Variants in RBFOX1 observed in about 807,000 individuals in gnomAD.
RBFOX1 encodes RNA binding protein fox-1 homolog 1.
RBFOX1 carries 8 observed loss-of-function variants against 57.7 expected under a neutral mutation model. The observed-to-expected ratio is 0.14, with a 90% CI of 0.08 to 0.25. The LOEUF is 0.25. Among genes scored for constraint, RBFOX1 ranks in the 10% least tolerant of loss-of-function variants. The probability of loss-of-function intolerance (pLI) is 1.00; values close to 1 mark genes in which losing one functional copy is unlikely to be tolerated. For synonymous variants in RBFOX1, 326 were observed against 222.4 expected (o/e 1.47, Z -4.15); for missense variants, 611 against 548.5 (o/e 1.11, Z -1.14).
At chr16:6,662,983 G>A (rs1013518513) in intron 3 of RBFOX1, among the ~76,000 whole-genome samples, 1 of 152,166 alleles carries the variant, frequency 6.6e-6, no homozygotes, top group Admixed American at 6.5e-5. Flanking sequence ...TGAAGTGTAG[G>A]AAACACTGTT....
At chr16:6,991,667 G>A (rs966263107) in intron 3 of RBFOX1, among the ~76,000 whole-genome samples, 3 of 152,074 alleles carry the variant, frequency 2.0e-5, no homozygotes, top group African/African-American at 7.2e-5. Context: ...TGTCCAAGTA[G>A]CTGGGACCAC....
chr16:6,780,362 C>T lies in RBFOX1; in HGVS notation c.-16+125712C>T, dbSNP rs1437828736. Reference sequence around the variant, plus strand: ...ACATATTTATATACATATTTATATACATATTTATAGATATATTTATACATA... The same window carrying T: ...ACATATTTATATACATATTTATATATATATTTATAGATATATTTATACATA... On this transcript the variant is annotated intron_variant, in intron 3 of 15. Transcript: ENST00000550418. Among the ~76,000 whole-genome samples, 167 of 78,106 alleles carry T rather than the reference C, an allele frequency of 2.1e-3. 5 individuals carry two copies. The highest frequency in any genetic ancestry group is 0.021 in the South Asian group (40 of 1,874). 51.2% of individuals were successfully genotyped at this position (78,106 alleles called of 152,430 possible).
intron 3 of RBFOX1, among the ~76,000 whole-genome samples, chr16:6,694,236 G>C (rs992885885): frequency 6.6e-6 from 1 of 152,108 alleles, no homozygotes; most frequent in African/African-American, 2.4e-5. Flanking sequence ...CCCATTGTGC[G>C]ATTCTCCAAT....
intron 3 of RBFOX1, among the ~76,000 whole-genome samples, chr16:6,675,737 A>G (rs2057523946): frequency 6.6e-6 from 1 of 152,222 alleles, no homozygotes; most frequent in Non-Finnish European, 1.5e-5. Flanking sequence ...CTTTCCCTTT[A>G]TGAAACCATC....
rs965039411 is a variant in RBFOX1, at chr16:6,177,198, T to C, written c.-126-139797T>C. 7.9e-5 allele frequency among the ~76,000 whole-genome samples: 12 copies of C among 151,888 alleles called. 1 individual carries two copies. Among genetic ancestry groups the C allele is most frequent in the Non-Finnish European group, 1.6e-4 (11 of 67,954 alleles). On this transcript the variant is annotated intron_variant, in intron 1 of 15. Transcript: ENST00000550418. The stretch of plus-strand genomic sequence containing the variant: ...TCATTTCTTGTTTGTTTTTTTTTTT[T>C]TTTTCCTTTCTAGAAGCAGCTGTGT...
At chr16:6,911,677 C>G (rs2071641089) in intron 3 of RBFOX1, among the ~76,000 whole-genome samples, 1 of 152,170 alleles carries the variant, frequency 6.6e-6, no homozygotes, top group Non-Finnish European at 1.5e-5. Context: ...AAGTTCAATC[C>G]ATAGCAGACA....
intron 4 of RBFOX1, among the ~76,000 whole-genome samples, chr16:7,118,228 T>G (rs1253677198): frequency 6.6e-6 from 1 of 152,286 alleles, no homozygotes; most frequent in Admixed American, 6.5e-5. Context: ...AGTCCCCATT[T>G]CACCACATCC....
At chr16:7,078,574 C>T (rs2058661101) in intron 4 of RBFOX1, among the ~76,000 whole-genome samples, 1 of 152,090 alleles carries the variant, frequency 6.6e-6, no homozygotes, top group Non-Finnish European at 1.5e-5. Flanking sequence ...TCTCGAAACC[C>T]TGGCCTCAAG....
In RBFOX1 at chr16:6,781,239, T is replaced by C. The variant is rs148597042; in HGVS notation, c.-16+126589T>C. ...GATATGATATGTCACATTTATTGATTTGTCTTTGTTGAACCATCCTTTTAT... is the reference window on the plus strand; with the variant it reads ...GATATGATATGTCACATTTATTGATCTGTCTTTGTTGAACCATCCTTTTAT... On this transcript the variant is annotated intron_variant, in intron 3 of 15. Coordinates refer to ENST00000550418, the MANE Select transcript of RBFOX1 (RefSeq NM_018723.4). 5.3e-5 allele frequency among the ~76,000 whole-genome samples: 8 copies of C among 152,248 alleles called. No homozygotes were observed. In the East Asian group the frequency reaches 9.6e-4, roughly 18 times the overall value.
intron 1 of RBFOX1, among the ~76,000 whole-genome samples, chr16:5,454,840 C>CTTTCTTTCTTTT (rs2068539008): frequency 1.9e-5 from 2 of 104,838 alleles, no homozygotes; most frequent in African/African-American, 8.3e-5. Flanking sequence ...TGCTTTCTTT[C>CTTTCTTTCTTTT]CTTTCTTTCT....
intron 3 of RBFOX1, among the ~76,000 whole-genome samples, chr16:6,935,512 C>G (rs9926461): frequency 1.3e-5 from 2 of 152,148 alleles, no homozygotes; most frequent in African/African-American, 4.8e-5. Context: ...GGTAATTTGT[C>G]TCATGGCAAT....
chr16:5,873,402 G>A (rs1567655024), intron 4 of RBFOX1, among the ~76,000 whole-genome samples: 1 of 152,132 alleles, frequency 6.6e-6, no homozygotes, highest in Non-Finnish European at 1.5e-5. Flanking sequence ...AGCACTCTTG[G>A]CCTTGTCTAA....
At chr16:5,823,475 G>T (rs1325580554) in intron 3 of RBFOX1, among the ~76,000 whole-genome samples, 1 of 152,154 alleles carries the variant, frequency 6.6e-6, no homozygotes, top group African/African-American at 2.4e-5. Context: ...GTCAGGCACT[G>T]CCCTCTATGG....
chr16:6,602,541 G>C (rs998055526), intron 2 of RBFOX1, among the ~76,000 whole-genome samples: 3 of 152,098 alleles, frequency 2.0e-5, no homozygotes, highest in African/African-American at 7.2e-5. Flanking sequence ...TGTTCTTACA[G>C]AAAGGCCACC....
chr16:7,692,581 A>G (rs1323249168), intron 14 of RBFOX1, among the ~76,000 whole-genome samples: 1 of 152,218 alleles, frequency 6.6e-6, no homozygotes, highest in South Asian at 2.1e-4. Flanking sequence ...TGCCATTTTT[A>G]TAATTTGACT....
chr16:6,459,565 A>G (rs1462984532), intron 2 of RBFOX1, among the ~76,000 whole-genome samples: 1 of 152,182 alleles, frequency 6.6e-6, no homozygotes, highest in African/African-American at 2.4e-5. Context: ...TTTTCTTTTA[A>G]TTACCCTATA....
chr16:5,267,940 A>G (rs1221095447), intron 1 of RBFOX1, among the ~76,000 whole-genome samples: 2 of 152,190 alleles, frequency 1.3e-5, no homozygotes, highest in African/African-American at 4.8e-5. Flanking sequence ...TTAGCTTGGC[A>G]TGGTGGCACA....
intron 4 of RBFOX1, among the ~76,000 whole-genome samples, chr16:7,335,223 A>G (rs1220058185): frequency 6.6e-6 from 1 of 152,018 alleles, no homozygotes; most frequent in Non-Finnish European, 1.5e-5. Flanking sequence ...ATTGCTGCAG[A>G]CTCCACTTGC....
intron 9 of RBFOX1, among the ~76,000 whole-genome samples, chr16:7,603,063 A>T (rs758515109): frequency 6.6e-6 from 1 of 152,210 alleles, no homozygotes; most frequent in Non-Finnish European, 1.5e-5. Flanking sequence ...AGTCTATGGG[A>T]TACAGCAAAA....
Sources: gnomAD v4.1 joint callset for allele counts (sites outside exome capture counted in the v4.1 genomes callset) on GRCh38, gnomAD v4.1.1 for gene constraint, MANE v1.5 for transcripts, NCBI Gene and HGNC (gene_info 2026-07-23, HGNC 2026-07-21) for gene names.